The following FRK variants were observed in gnomAD, a reference collection of about 807,000 sequenced individuals.
FRK encodes the protein tyrosine-protein kinase FRK.
FRK carries 51 observed loss-of-function variants against 56.4 expected under a neutral mutation model. The observed-to-expected ratio is 0.90, with a 90% CI of 0.72 to 1.14. The LOEUF (loss-of-function observed/expected upper bound fraction) is 1.14. Among genes scored for constraint, FRK ranks in the 50% most tolerant of loss-of-function variants. FRK has a pLI of 0.00. For synonymous variants in FRK, 245 were observed against 217.9 expected (o/e 1.12, Z -1.10); for missense variants, 570 against 601.4 (o/e 0.95, Z 0.55).
At chr6:116,069,615 A>G in the FRK span, among the ~76,000 whole-genome samples, 5 of 152,278 alleles carry the variant, frequency 3.3e-5, no homozygotes, top group Non-Finnish European at 7.4e-5. Flanking sequence ...TTTTCCTAGA[A>G]GGTCTTATCC....
intron 1 of FRK, among the ~76,000 whole-genome samples, chr6:116,038,071 AG>A (rs1435822593): frequency 6.6e-6 from 1 of 152,212 alleles, no homozygotes; most frequent in Non-Finnish European, 1.5e-5. Context: ...GGTAAGAGGC[AG>A]GGGAGACAGC....
intron 5 of FRK, among the ~76,000 whole-genome samples, chr6:115,953,020 T>C (rs1266183906): frequency 6.6e-6 from 1 of 151,368 alleles, no homozygotes; most frequent in Non-Finnish European, 1.5e-5. Context: ...CATGTATACA[T>C]AAGTAACTAA....
In FRK at chr6:116,003,890, T is replaced by C. The variant is rs1400265851; in HGVS notation, c.453A>G (p.Glu151=). ...CAATACCCTTACCTGAAAGAGAGAA[T>C]TCTCCTTTTTGGCTTTCACTTTCTC... The part of the protein sequence containing the change: ...LIRESESQKG[E]FSLSVLDGAV... Residue 151 remains glutamate (E), a synonymous_variant, in exon 2 of 8, where the codon GAA becomes GAG. Coordinates refer to ENST00000606080, the MANE Select transcript of FRK (RefSeq NM_002031.3). 1.2e-6 allele frequency: 2 copies of C among 1,613,566 alleles called. No homozygotes were observed. Among genetic ancestry groups the C allele is most frequent in the Non-Finnish European group, 1.7e-6 (2 of 1,179,836 alleles).
the FRK span, among the ~76,000 whole-genome samples, chr6:116,091,350 T>C: frequency 6.6e-6 from 1 of 152,186 alleles, no homozygotes; most frequent in Non-Finnish European, 1.5e-5. Context: ...GAATAAAAGC[T>C]GGCCACCCCA....
intron 1 of FRK, among the ~76,000 whole-genome samples, chr6:116,034,662 T>C (rs1438410769): frequency 2.0e-5 from 3 of 152,084 alleles, no homozygotes; most frequent in Admixed American, 6.6e-5. Flanking sequence ...AAATGGACTT[T>C]ATGTGGACTC....
intron 6 of FRK, among the ~76,000 whole-genome samples, chr6:115,943,489 C>CAAA (rs35923228): frequency 6.7e-5 from 4 of 59,528 alleles, no homozygotes; most frequent in Admixed American, 1.4e-4. Flanking sequence ...TGGTCTTGAG[C>CAAA]AAAAAAAAAA....
At chr6:116,039,202 G>A (rs1344595346) in intron 1 of FRK, 86 of 1,413,866 alleles carry the variant, frequency 6.1e-5, no homozygotes, top group Middle Eastern at 2.1e-4. Context: ...AGAGGTCATC[G>A]CAGATAACGT....
chr6:115,974,498 C>T (rs764971212), intron 2 of FRK, among the ~76,000 whole-genome samples: 18 of 152,024 alleles, frequency 1.2e-4, no homozygotes, highest in East Asian at 3.9e-4. Context: ...TTTTGCTTAA[C>T]GGAAAAAGCA....
chr6:116,081,053 A>G, the FRK span, among the ~76,000 whole-genome samples: 1 of 152,318 alleles, frequency 6.6e-6, no homozygotes, highest in Non-Finnish European at 1.5e-5. Flanking sequence ...GGCAGACAAG[A>G]CAGCATTGCA....
chr6:116,055,628 C>T (rs187947608), intron 1 of FRK, among the ~76,000 whole-genome samples: 3 of 152,296 alleles, frequency 2.0e-5, no homozygotes, highest in African/African-American at 7.2e-5. Context: ...TATTGTTTCA[C>T]ACATAAGTGT....
At position 115,968,612 on chromosome 6, in the gene FRK, G is replaced by A. The variant is rs773491750; in HGVS notation, c.594C>T (p.Asp198=). The change falls in exon 3 of 8, where the codon GAC becomes GAT. Residue 198 remains aspartate (D), a synonymous_variant. Coordinates refer to ENST00000606080, the MANE Select transcript of FRK (RefSeq NM_002031.3). Reference sequence around the variant, plus strand: ...GTTTCCCCAGCTTGACACACAGGCCGTCACTTGTCTTGGTGTAGTGGCTCA... The same window carrying A: ...GTTTCCCCAGCTTGACACACAGGCCATCACTTGTCTTGGTGTAGTGGCTCA... ...EFVSHYTKTS[D]GLCVKLGKPC... 73 of 1,613,274 alleles carry A rather than the reference G, an allele frequency of 4.5e-5. No homozygotes were observed. Among genetic ancestry groups the A allele is most frequent in the Non-Finnish European group, 5.8e-5 (68 of 1,179,630 alleles).
At chr6:116,040,233 T>G (rs1447349557) in intron 1 of FRK, among the ~76,000 whole-genome samples, 1 of 152,176 alleles carries the variant, frequency 6.6e-6, no homozygotes, top group African/African-American at 2.4e-5. Flanking sequence ...TGTAAATGAC[T>G]TTATGTAAAG....
chr6:115,999,030 T>C (rs79222184), intron 2 of FRK, among the ~76,000 whole-genome samples: 30 of 152,264 alleles, frequency 2.0e-4, no homozygotes, highest in Non-Finnish European at 3.5e-4. Context: ...GCAGCTCAAT[T>C]TTAGACCCTA....
chr6:115,974,010 A>G (rs975175911), intron 2 of FRK, among the ~76,000 whole-genome samples: 7 of 152,360 alleles, frequency 4.6e-5, no homozygotes, highest in African/African-American at 1.7e-4. Context: ...TGCTATTTAC[A>G]TAAATTCTTG....
intron 4 of FRK, among the ~76,000 whole-genome samples, chr6:115,956,876 G>C (rs1773019065): frequency 6.6e-6 from 1 of 152,040 alleles, no homozygotes; most frequent in African/African-American, 2.4e-5. Context: ...GAAAAATGAA[G>C]GAAAAAGGAG....
At chr6:116,073,180 C>A in the FRK span, among the ~76,000 whole-genome samples, 1 of 152,130 alleles carries the variant, frequency 6.6e-6, no homozygotes, top group African/African-American at 2.4e-5. Context: ...TTGATACACT[C>A]AATTTCTTTA....
At chr6:116,037,651 C>G (rs915299429) in intron 1 of FRK, among the ~76,000 whole-genome samples, 1 of 152,172 alleles carries the variant, frequency 6.6e-6, no homozygotes, top group African/African-American at 2.4e-5. Flanking sequence ...TATTCTCTAT[C>G]GTTTCTCACA....
the FRK span, among the ~76,000 whole-genome samples, chr6:116,079,752 T>A: frequency 7.2e-5 from 11 of 152,102 alleles, no homozygotes; most frequent in African/African-American, 2.7e-4. Flanking sequence ...AATTTTTTAA[T>A]TTTTTGTAGA....
intron 2 of FRK, among the ~76,000 whole-genome samples, chr6:115,982,119 A>G (rs1262252300): frequency 1.3e-5 from 2 of 152,154 alleles, no homozygotes; most frequent in Non-Finnish European, 2.9e-5. Context: ...AATGTGGGCC[A>G]GCATCCTACA....
Sources: allele counts gnomAD v4.1 joint callset (sites outside exome capture counted in the v4.1 genomes callset), GRCh38; gene constraint gnomAD v4.1.1; transcripts MANE v1.5; gene names NCBI Gene and HGNC (gene_info 2026-07-23, HGNC 2026-07-21).